REPS1: variants seen among roughly 807,000 people sequenced by gnomAD.
REPS1 encodes the protein ralBP1-associated Eps domain-containing protein 1.
In REPS1, 39 loss-of-function variants were observed where a neutral mutation model predicts 100.9. That is an observed-to-expected ratio of 0.39 (90% confidence interval 0.30 to 0.50). The LOEUF (loss-of-function observed/expected upper bound fraction) is 0.50, where lower values mean the gene tolerates loss of function less well. Among genes scored for constraint, REPS1 ranks in the 20% least tolerant of loss-of-function variants. The pLI, the probability that REPS1 is intolerant of heterozygous loss-of-function variation, is 0.86. For synonymous variants in REPS1, 324 were observed against 340.3 expected (o/e 0.95, Z 0.53); for missense variants, 821 against 968.5 (o/e 0.85, Z 2.02).
chr6:138,937,416 C>T (rs1781920887), intron 8 of REPS1, among the ~76,000 whole-genome samples: 1 of 152,186 alleles, frequency 6.6e-6, no homozygotes, highest in African/African-American at 2.4e-5. Context: ...AAGAGAAACT[C>T]TTAACAGTGA....
At chr6:138,957,652 A>G (rs1393792783) in intron 1 of REPS1, among the ~76,000 whole-genome samples, 3 of 152,214 alleles carry the variant, frequency 2.0e-5, no homozygotes, top group Non-Finnish European at 2.9e-5. Context: ...CAACCACTCC[A>G]GATCAAAGTG....
At chr6:138,926,516 G>A (rs1317156171) in intron 9 of REPS1, 35 bp from the exon 10 acceptor site, 1 of 1,392,562 alleles carries the variant, frequency 7.2e-7, no homozygotes, top group Admixed American at 1.7e-5. Flanking sequence ...TCAGCATGAT[G>A]AGAAAGATGG....
chr6:138,944,448 A>G (rs746738918), intron 5 of REPS1, 50 bp downstream of exon 5: 1 of 1,581,380 alleles, frequency 6.3e-7, no homozygotes, highest in South Asian at 1.1e-5. Context: ...CGACTGGAGC[A>G]ATACTCTGAA....
intron 1 of REPS1, among the ~76,000 whole-genome samples, chr6:138,949,755 T>C (rs1168304808): frequency 6.6e-6 from 1 of 151,974 alleles, no homozygotes; most frequent in African/African-American, 2.4e-5. Context: ...TATTATATTA[T>C]ACATATTGAC....
At chr6:138,979,832 A>C (rs1357188646) in intron 1 of REPS1, among the ~76,000 whole-genome samples, 1 of 152,126 alleles carries the variant, frequency 6.6e-6, no homozygotes, top group Non-Finnish European at 1.5e-5. Flanking sequence ...TCTTCTTTAT[A>C]ATCTTTTCTT....
chr6:138,947,035 G>GCTCTCTCTCTCTCTTGCGCT, intron 2 of REPS1, among the ~76,000 whole-genome samples: 1 of 137,718 alleles, frequency 7.3e-6, no homozygotes, highest in African/African-American at 2.8e-5. Flanking sequence ...ATTCCCCCTT[G>GCTCTCTCTCTCTCTTGCGCT]CTCTCTCTCT....
At chr6:138,981,878 A>G (rs2128514136) in intron 1 of REPS1, among the ~76,000 whole-genome samples, 1 of 152,196 alleles carries the variant, frequency 6.6e-6, no homozygotes, top group South Asian at 2.1e-4. Flanking sequence ...CCAATATACT[A>G]AAACTCTAAC....
In REPS1 at chr6:138,916,821, G is replaced by A. The variant is rs181148296; in HGVS notation, c.1601+734C>T. 4.3e-4 allele frequency among the ~76,000 whole-genome samples: 66 copies of A among 152,206 alleles called. 1 individual carries two copies. The highest frequency in any genetic ancestry group is 5.1e-4 in the Non-Finnish European group (35 of 68,022). ...TCATATTCTGAAAAGAGTCTCCAAG[G>A]CCTCTGGTAATCTGATCTGCATATA... On this transcript the variant is annotated intron_variant, in intron 13 of 19. Coordinates refer to ENST00000450536, the MANE Select transcript of REPS1 (RefSeq NM_001286611.2).
intron 16 of REPS1, among the ~76,000 whole-genome samples, chr6:138,911,712 A>T (rs1780019845): frequency 6.8e-6 from 1 of 147,454 alleles, no homozygotes; most frequent in South Asian, 2.2e-4. Context: ...TGTGAGGGAG[A>T]GGAGGACGGG....
intron 10 of REPS1, among the ~76,000 whole-genome samples, chr6:138,924,056 T>C (rs1780948576): frequency 6.6e-6 from 1 of 152,112 alleles, no homozygotes; most frequent in South Asian, 2.1e-4. Flanking sequence ...TGGGTAATAC[T>C]TCAGGTAAGT....
intron 1 of REPS1, among the ~76,000 whole-genome samples, chr6:138,981,842 C>G (rs970239506): frequency 1.3e-5 from 2 of 152,206 alleles, no homozygotes; most frequent in Admixed American, 6.5e-5. Flanking sequence ...TCTTGTGTCG[C>G]TCCATCAAAT....
At chr6:138,964,620 A>G (rs970501860) in intron 1 of REPS1, among the ~76,000 whole-genome samples, 1 of 152,000 alleles carries the variant, frequency 6.6e-6, no homozygotes, top group African/African-American at 2.4e-5. Context: ...AATTTTTGTC[A>G]GTTAAGGAAA....
Position 138,912,824 on chromosome 6 carries a change from C to G in REPS1, c.1912G>C (p.Ala638Pro), listed in dbSNP as rs934402487. 42 of 1,614,140 alleles carry G rather than the reference C, an allele frequency of 2.6e-5. No homozygotes were observed. Among genetic ancestry groups the G allele is most frequent in the Non-Finnish European group, 3.5e-5 (41 of 1,180,034 alleles). The change falls in exon 16 of 20, where the codon GCA (alanine) becomes CCA (proline). Residue 638 changes from alanine to proline, a missense_variant. Transcript: ENST00000450536. Reference protein sequence around the residue: ...ADFSQFEVFAASNVNDEQDDE... With the variant: ...ADFSQFEVFAPSNVNDEQDDE... ...TCTTGTTCGTCGTTTACATTTGATG[C>G]AGCAAATACTTCAAACTGACTGAAA... is the stretch of plus-strand genomic sequence containing the variant.
chr6:138,980,500 G>A (rs756709004), intron 1 of REPS1, among the ~76,000 whole-genome samples: 72 of 151,852 alleles, frequency 4.7e-4, no homozygotes, highest in Non-Finnish European at 9.4e-4. Flanking sequence ...CACAGCCTCA[G>A]GCCCTTCCCA....
intron 1 of REPS1, among the ~76,000 whole-genome samples, chr6:138,956,586 G>A (rs114510710): frequency 2.0e-5 from 3 of 152,112 alleles, no homozygotes; most frequent in Admixed American, 6.6e-5. Context: ...AGAACTTACC[G>A]ATCCCAATTA....
At chr6:138,906,944 G>C (rs1779691569) in intron 19 of REPS1, among the ~76,000 whole-genome samples, 1 of 152,074 alleles carries the variant, frequency 6.6e-6, no homozygotes, top group Admixed American at 6.5e-5. Context: ...TAAAGAAGGA[G>C]TAAGTAAGAG....
At chr6:138,955,119 T>C (rs115421842) in intron 1 of REPS1, among the ~76,000 whole-genome samples, 2,676 of 152,218 alleles carry the variant, frequency 0.018, 83 homozygotes, top group African/African-American at 0.061. Context: ...TGTACAACTA[T>C]AGAACAAATC....
rs1341110210 is a variant in REPS1, at chr6:138,944,009, T to C, written c.760A>G (p.Thr254Ala). The C allele has an allele frequency of 3.1e-6, 5 of 1,613,868 alleles. No homozygotes were observed. The highest frequency in any genetic ancestry group is 1.1e-5 in the South Asian group (1 of 91,080). Residue 254 changes from threonine to alanine, a missense_variant, in exon 6 of 20, where the codon ACA becomes GCA. Thr to Ala is a moderately conservative substitution (Grantham distance 58, BLOSUM62 0). Around this residue, in one of 3 missense-constraint regions of REPS1, gnomAD observed 757 missense variants for 866.4 expected, o/e 0.87. Transcript: ENST00000450536. ...GCTGATGCTACAGTTCGTACTGTTG[T>C]CTGGTCCTGTAATGAAACATTTTTT... is the stretch of plus-strand genomic sequence containing the variant. ...TMHPASVQDQ[T>A]TVRTVASATT...
intron 8 of REPS1, among the ~76,000 whole-genome samples, chr6:138,938,482 T>C (rs1293880014): frequency 6.6e-6 from 1 of 152,176 alleles, no homozygotes; most frequent in Non-Finnish European, 1.5e-5. Context: ...TAGAAAAACG[T>C]CAAGAAAAAT....
Sources: allele counts gnomAD v4.1 joint callset (sites outside exome capture counted in the v4.1 genomes callset), GRCh38; gene constraint gnomAD v4.1.1; regional missense constraint gnomAD v4.1.1; transcripts MANE v1.5; gene names NCBI Gene and HGNC (gene_info 2026-07-23, HGNC 2026-07-21).